Variants in EXOC4 observed in about 807,000 individuals in gnomAD.
The protein encoded by EXOC4 is SEC8-like 1.
Under a neutral mutation model 107.2 loss-of-function variants are expected in EXOC4, and 71 were observed. The observed-to-expected ratio is 0.66, with a 90% CI of 0.55 to 0.81. EXOC4 has a LOEUF of 0.81. Among genes scored for constraint, EXOC4 ranks in the 30% least tolerant of loss-of-function variants. The pLI is 0.00. For synonymous variants in EXOC4, 456 were observed against 441.2 expected, an observed-to-expected ratio of 1.03 and a Z score of -0.42; for missense variants, 1,108 against 1,189.6, an observed-to-expected ratio of 0.93 and a Z score of 1.01.
At chr7:133,421,369 A>G (rs1797600771) in intron 7 of EXOC4, among the ~76,000 whole-genome samples, 1 of 152,150 alleles carries the variant, frequency 6.6e-6, no homozygotes, top group Non-Finnish European at 1.5e-5. Flanking sequence ...CAGATTCTCC[A>G]TCTTGGGAAT....
chr7:133,643,772 A>G (rs1036969350), intron 10 of EXOC4, among the ~76,000 whole-genome samples: 1 of 152,262 alleles, frequency 6.6e-6, no homozygotes, highest in African/African-American at 2.4e-5. Context: ...AAACTTTCTT[A>G]ATGCAAGTGT....
chr7:133,444,158 A>T (rs995464254), intron 7 of EXOC4, among the ~76,000 whole-genome samples: 24 of 152,164 alleles, frequency 1.6e-4, no homozygotes, highest in Non-Finnish European at 2.8e-4. Flanking sequence ...AAGCCAAATT[A>T]TAAAGTCAGC....
chr7:133,418,495 G>A (rs941913877), intron 7 of EXOC4, among the ~76,000 whole-genome samples: 1 of 152,186 alleles, frequency 6.6e-6, no homozygotes, highest in Non-Finnish European at 1.5e-5. Flanking sequence ...TAAGAAGAAT[G>A]TCTGAAATGT....
At chr7:134,060,014 A>G (rs111234948) in intron 17 of EXOC4, among the ~76,000 whole-genome samples, 503 of 152,338 alleles carry the variant, frequency 3.3e-3, no homozygotes, top group East Asian at 0.028. Context: ...CAATACCATT[A>G]AAATAAAGCA....
At chr7:133,281,286 TAAA>T (rs1370277269) in intron 2 of EXOC4, among the ~76,000 whole-genome samples, 2 of 102,572 alleles carry the variant, frequency 1.9e-5, no homozygotes, top group African/African-American at 9.3e-5. Context: ...AGTGTAATAA[TAAA>T]AAATAAATAA....
chr7:133,691,282 T>G (rs149421985), intron 10 of EXOC4, among the ~76,000 whole-genome samples: 1 of 152,308 alleles, frequency 6.6e-6, no homozygotes, highest in African/African-American at 2.4e-5. Context: ...TGTGAATATG[T>G]CTTGAGCTTT....
chr7:133,979,815 T>TG (rs1793936743), intron 14 of EXOC4, among the ~76,000 whole-genome samples: 1 of 151,924 alleles, frequency 6.6e-6, no homozygotes, highest in Non-Finnish European at 1.5e-5. Context: ...AACCCTAAAT[T>TG]GCCTTCGTTA....
At chr7:133,758,423 G>A (rs1370616761) in intron 10 of EXOC4, among the ~76,000 whole-genome samples, 2 of 152,208 alleles carry the variant, frequency 1.3e-5, no homozygotes, top group South Asian at 4.1e-4. Flanking sequence ...ACAGGCATGA[G>A]CCACCGTGCC....
intron 9 of EXOC4, among the ~76,000 whole-genome samples, chr7:133,505,457 C>T (rs556999228): frequency 6.6e-6 from 1 of 152,096 alleles, no homozygotes; most frequent in Admixed American, 6.6e-5. Flanking sequence ...TGAAAATGGT[C>T]AGTGAAAAAG....
intron 5 of EXOC4, among the ~76,000 whole-genome samples, chr7:133,335,089 C>A (rs759844406): frequency 1.3e-5 from 2 of 152,146 alleles, no homozygotes; most frequent in Non-Finnish European, 2.9e-5. Flanking sequence ...ATAACATGCA[C>A]GTGCATTTTC....
At chr7:133,626,465 G>A (rs1802458128) in intron 9 of EXOC4, among the ~76,000 whole-genome samples, 2 of 152,142 alleles carry the variant, frequency 1.3e-5, no homozygotes, top group African/African-American at 4.8e-5. Flanking sequence ...ATCTTCAAGA[G>A]GAAATCGTGA....
intron 10 of EXOC4, among the ~76,000 whole-genome samples, chr7:133,796,401 A>T (rs1796815396): frequency 6.6e-6 from 1 of 152,214 alleles, no homozygotes; most frequent in Non-Finnish European, 1.5e-5. Context: ...TCCTCAGTTC[A>T]GAAGGATGAA....
intron 10 of EXOC4, among the ~76,000 whole-genome samples, chr7:133,663,570 C>A (rs1793746459): frequency 6.6e-6 from 1 of 152,162 alleles, no homozygotes; most frequent in South Asian, 2.1e-4. Flanking sequence ...TTCCCTTAGT[C>A]TTTGCATTTC....
chr7:133,645,223 C>A (rs1346566982), intron 10 of EXOC4, among the ~76,000 whole-genome samples: 1 of 151,840 alleles, frequency 6.6e-6, no homozygotes, highest in Non-Finnish European at 1.5e-5. Context: ...TCCCAAGTAG[C>A]TGGGACTACA....
chr7:133,474,950 C>T (rs1798975813), intron 7 of EXOC4, among the ~76,000 whole-genome samples: 1 of 152,076 alleles, frequency 6.6e-6, no homozygotes, highest in South Asian at 2.1e-4. Flanking sequence ...TCATAGTAAG[C>T]CCTCAGTAAA....
intron 10 of EXOC4, among the ~76,000 whole-genome samples, chr7:133,658,685 G>A (rs1270991604): frequency 6.6e-6 from 1 of 152,170 alleles, no homozygotes; most frequent in Non-Finnish European, 1.5e-5. Context: ...CGACAGGAAA[G>A]GATGTGTGGG....
intron 10 of EXOC4, among the ~76,000 whole-genome samples, chr7:133,748,784 A>G (rs1324409291): frequency 6.6e-6 from 1 of 152,104 alleles, no homozygotes; most frequent in Non-Finnish European, 1.5e-5. Flanking sequence ...CACGTCAGCA[A>G]CTCTCTCACT....
intron 12 of EXOC4, among the ~76,000 whole-genome samples, chr7:133,904,484 G>T (rs1799524965): frequency 6.6e-6 from 1 of 152,140 alleles, no homozygotes; most frequent in Non-Finnish European, 1.5e-5. Context: ...TTTGGTTTTT[G>T]ACATATTCTG....
chr7:133,637,495 G>C (rs1052837770), intron 10 of EXOC4, among the ~76,000 whole-genome samples: 1 of 152,108 alleles, frequency 6.6e-6, no homozygotes, highest in Non-Finnish European at 1.5e-5. Flanking sequence ...AGCCTATGTA[G>C]ACATTTTGAA....
Sources: gnomAD v4.1 joint callset for allele counts (sites outside exome capture counted in the v4.1 genomes callset) on GRCh38, gnomAD v4.1.1 for gene constraint, MANE v1.5 for transcripts, NCBI Gene and HGNC (gene_info 2026-07-23, HGNC 2026-07-21) for gene names.